Variants in IFT46 observed in about 807,000 individuals in gnomAD.
IFT46 encodes the protein intraflagellar transport 46.
A neutral mutation model predicts 39.6 loss-of-function variants in IFT46; 19 were observed. The ratio of observed to expected loss-of-function variants is 0.48; its 90% confidence interval spans 0.33 to 0.70. The LOEUF (loss-of-function observed/expected upper bound fraction) is 0.70, where lower values mean the gene tolerates loss of function less well. Ranked by LOEUF, IFT46 falls within the 30% of genes least tolerant of loss-of-function variation. The pLI, the probability that IFT46 is intolerant of heterozygous loss-of-function variation, is 0.01. For missense variants in IFT46, 334 were observed against 364.8 expected (o/e 0.92, Z 0.69); for synonymous variants, 117 against 134.8 (o/e 0.87, Z 0.91).
intron 9 of IFT46, among the ~76,000 whole-genome samples, 188 bp downstream of exon 9, chr11:118,551,598 C>T (rs1254734596): frequency 4.3e-5 from 6 of 140,300 alleles, no homozygotes; most frequent in South Asian, 2.4e-4. Flanking sequence ...CACTTGAGCC[C>T]GGGAGGTAGA....
At chr11:118,572,521 C>T in intron 1 of IFT46, 3 of 1,610,840 alleles carry the variant, frequency 1.9e-6, no homozygotes, top group Non-Finnish European at 1.7e-6. Flanking sequence ...AGCCGGAGTG[C>T]GGGCGCGCCC....
At chr11:118,557,943 T>C (rs1937898166) in intron 3 of IFT46, 2 of 1,490,166 alleles carry the variant, frequency 1.3e-6, no homozygotes, top group Non-Finnish European at 1.8e-6. Flanking sequence ...AAACTTGGTT[T>C]CTATATACCG....
chr11:118,558,526 C>T (rs773707257), intron 3 of IFT46, among the ~76,000 whole-genome samples: 4 of 151,874 alleles, frequency 2.6e-5, no homozygotes, highest in East Asian at 1.9e-4. Flanking sequence ...ACCCTGGAGG[C>T]GGAGGTTGCA....
chr11:118,564,187 TCAAA>T (rs1221037285), intron 2 of IFT46, among the ~76,000 whole-genome samples: 14 of 59,342 alleles, frequency 2.4e-4, no homozygotes, highest in African/African-American at 1.1e-3. Context: ...AGACTCTGTC[TCAAA>T]AAAAAAAAAA....
At position 118,572,856 on chromosome 11, in the gene IFT46, G is replaced by A. The variant is rs965013510; in HGVS notation, c.-393C>T. ...TTTTGCTCTGCGAGAACTTCGTGGT[G>A]GTGGTGCGGGTCCCAGGCTGCGGAC... On this transcript the variant is annotated 5_prime_UTR_variant, in exon 1 of 6. Transcript: ENST00000528378. 1.5e-5 allele frequency: 6 copies of A among 402,176 alleles called. No individual in the cohort carries two copies. The Admixed American group carries it at 1.7e-4, about 11-fold the overall frequency. The allele number at this position is 402,176 out of a possible 1,614,324, so 24.9% of individuals were successfully genotyped here. A position where few individuals can be genotyped will look rare whatever the true frequency, so the allele number is the denominator to read the frequency against.
At chr11:118,567,077 T>C (rs2135517451), upstream of IFT46, among the ~76,000 whole-genome samples, 1 of 151,858 alleles carries the variant, frequency 6.6e-6, no homozygotes, top group South Asian at 2.1e-4. Context: ...CTCCACTCTA[T>C]TAAAAATAAA....
chr11:118,576,399 G>T (rs1591380086), upstream of IFT46, among the ~76,000 whole-genome samples: 2 of 103,470 alleles, frequency 1.9e-5, no homozygotes, highest in Admixed American at 1.5e-4. Flanking sequence ...GTTCCTTTTA[G>T]ATCTGGAATG....
At chr11:118,560,352 G>C (rs890537568) in intron 2 of IFT46, 10 of 171,968 alleles carry the variant, frequency 5.8e-5, no homozygotes, top group Admixed American at 3.5e-4. Flanking sequence ...CCAGGAGTTC[G>C]AGGCTGCAGT....
upstream of IFT46, among the ~76,000 whole-genome samples, chr11:118,566,639 G>T (rs539092546): frequency 4.2e-4 from 64 of 152,336 alleles, no homozygotes; most frequent in African/African-American, 1.4e-3. Context: ...CTTGCAGGGA[G>T]CCGAGATCGC....
At chr11:118,546,198 C>G (rs1951681429) in intron 9 of IFT46, 1 of 717,418 alleles carries the variant, frequency 1.4e-6, no homozygotes, top group Non-Finnish European at 2.6e-6. Flanking sequence ...AGAGACCCCT[C>G]AGAAGAAATC....
chr11:118,547,315 CAG>C (rs2135472982), intron 9 of IFT46: 1 of 152,300 alleles, frequency 6.6e-6, no homozygotes, highest in African/African-American at 2.4e-5. Context: ...AAAGCAGGGA[CAG>C]AGGGCGGGGA....
chr11:118,547,028 T>G (rs1174865110), intron 9 of IFT46: 1 of 152,240 alleles, frequency 6.6e-6, no homozygotes, highest in Non-Finnish European at 1.5e-5. Flanking sequence ...TTTCTTCATA[T>G]TAGAGCAAAA....
chr11:118,544,681 C>G lies in IFT46; in HGVS notation c.*235G>C. 1 of 446,066 alleles carries G rather than the reference C, an allele frequency of 2.2e-6. No individual in the cohort carries two copies. Among genetic ancestry groups the G allele is most frequent in the Non-Finnish European group, 4.0e-6 (1 of 250,472 alleles). The allele number at this position is 446,066 out of a possible 1,614,324, so 27.6% of individuals were successfully genotyped here. ...CTCAGAAATTCCAATTCTTATAACT[C>G]AAATCCCCACAGTGGTGTAGATGCA... On this transcript the variant is annotated 3_prime_UTR_variant, in exon 12 of 12. Transcript: ENST00000264021.
Position 118,551,175 on chromosome 11 carries a change from C to A in IFT46, c.672+611G>T, listed in dbSNP as rs369990936. ...TCACTTGAGGTCAGGAATTCGAGAC[C>A]AGCCTGGCCAACATGGTGAAACCCT... On this transcript the variant is annotated intron_variant, in intron 9 of 11. Coordinates refer to ENST00000264021, the MANE Select transcript of IFT46 (RefSeq NM_001168618.2). Among the ~76,000 whole-genome samples the A allele has an allele frequency of 1.3e-4, 20 of 152,004 alleles. No homozygotes were observed. In the East Asian group the frequency reaches 1.4e-3, roughly 10 times the overall value.
upstream of IFT46, among the ~76,000 whole-genome samples, chr11:118,566,695 A>C (rs1555071589): frequency 6.6e-6 from 1 of 152,234 alleles, no homozygotes; most frequent in East Asian, 1.9e-4. Context: ...TCCGTCTCAA[A>C]AAAAATTTTT....
chr11:118,548,551 G>C (rs1369207191), intron 9 of IFT46, among the ~76,000 whole-genome samples: 1 of 151,060 alleles, frequency 6.6e-6, no homozygotes, highest in African/African-American at 2.5e-5. Context: ...TTTTAGTAGA[G>C]ATGGGGTTTC....
chr11:118,551,249 C>G (rs1305095492), intron 9 of IFT46, among the ~76,000 whole-genome samples: 1 of 151,764 alleles, frequency 6.6e-6, no homozygotes, highest in Non-Finnish European at 1.5e-5. Context: ...TGGCAGGCAC[C>G]TGTAATCCCA....
chr11:118,545,877 A>C, intron 9 of IFT46, 24 bp from the exon 10 acceptor site: 1 of 1,610,816 alleles, frequency 6.2e-7, no homozygotes, highest in South Asian at 1.1e-5. Context: ...GGAAGGACCA[A>C]AGTCAAAAGG....
Position 118,552,249 on chromosome 11 carries a change from G to A in IFT46, c.570C>T (p.His190=), listed in dbSNP as rs551764368. 3 of 1,614,160 alleles carry A rather than the reference G, an allele frequency of 1.9e-6. No homozygotes were observed. The highest frequency in any genetic ancestry group is 2.2e-5 in the East Asian group (1 of 44,892). The change falls in exon 8 of 12, where the codon CAC becomes CAT. Residue 190 remains histidine, a synonymous_variant. Coordinates refer to ENST00000264021, the MANE Select transcript of IFT46 (RefSeq NM_001168618.2). The part of the protein sequence containing the change: ...DTWIESISEL[H]RSKPPATVHY... ...GCACAGTCGCAGGGGGCTTAGAACG[G>A]TGTAATTCAGAGATGCTCTCAATCC... is the stretch of plus-strand genomic sequence containing the variant.
Sources: allele counts gnomAD v4.1 joint callset (sites outside exome capture counted in the v4.1 genomes callset), GRCh38; gene constraint gnomAD v4.1.1; transcripts MANE v1.5; gene names NCBI Gene and HGNC (gene_info 2026-07-23, HGNC 2026-07-21).